The following NREP variants were observed in gnomAD, a reference collection of about 807,000 sequenced individuals.
The protein encoded by NREP is neuronal regeneration-related protein.
NREP carries 5 observed loss-of-function variants against 8.6 expected under a neutral mutation model. That is an observed-to-expected ratio of 0.58 (90% CI 0.30 to 1.22). NREP has a LOEUF of 1.22. NREP is among the 50% of genes most tolerant of loss of function. NREP has a pLI of 0.07. For synonymous variants in NREP, 27 were observed against 28.0 expected (o/e 0.96, Z 0.11); for missense variants, 86 against 82.5 (o/e 1.04, Z -0.17).
intron 3 of NREP, chr5:111,733,999 T>C (rs1371066625): frequency 6.6e-6 from 1 of 152,182 alleles, no homozygotes; most frequent in Non-Finnish European, 1.5e-5. Context: ...TATTCACATA[T>C]TTAGAGAAGA....
chr5:111,871,009 G>C (rs1251515495), intron 2 of NREP, among the ~76,000 whole-genome samples: 1 of 151,400 alleles, frequency 6.6e-6, no homozygotes. Context: ...CTTAGGGCTG[G>C]CATCTGTATT....
At chr5:111,844,150 A>G (rs1323770878) in intron 2 of NREP, among the ~76,000 whole-genome samples, 1 of 152,188 alleles carries the variant, frequency 6.6e-6, no homozygotes, top group Non-Finnish European at 1.5e-5. Context: ...AGATAGAATA[A>G]AAGAGTTATA....
chr5:111,790,937 T>C (rs1751731350), intron 2 of NREP, among the ~76,000 whole-genome samples: 1 of 152,134 alleles, frequency 6.6e-6, no homozygotes, highest in Admixed American at 6.6e-5. Context: ...TTTTCATATA[T>C]GTGGGTTCAG....
chr5:111,971,712 C>G (rs1428528835), intron 2 of NREP, among the ~76,000 whole-genome samples: 2 of 152,072 alleles, frequency 1.3e-5, no homozygotes, highest in East Asian at 3.8e-4. Context: ...ATATCATAGA[C>G]AAAAGTAAAC....
At chr5:111,755,914 G>A in intron 1 of NREP, 84 bp from the exon 2 acceptor site, 2 of 1,564,120 alleles carry the variant, frequency 1.3e-6, no homozygotes, top group Non-Finnish European at 8.7e-7. Flanking sequence ...GGTTACAGAC[G>A]AATAACCATT....
chr5:111,850,350 A>G lies in NREP; in HGVS notation c.136-114843T>C, dbSNP rs550237846. Among the ~76,000 whole-genome samples the G allele has an allele frequency of 3.9e-5, 6 of 152,194 alleles. No homozygotes were observed. In the South Asian group the frequency reaches 8.3e-4, roughly 21 times the overall value. ...CTTTATTCAATACAGCCAGCTTCCA[A>G]TTTTATATTTTAGCCTGATCTTTAT... On this transcript the variant is annotated intron_variant, in intron 2 of 3. Coordinates refer to the NREP transcript ENST00000395634.
intron 2 of NREP, among the ~76,000 whole-genome samples, chr5:111,855,678 G>A (rs1159975152): frequency 1.3e-5 from 2 of 152,110 alleles, no homozygotes; most frequent in African/African-American, 4.8e-5. Flanking sequence ...GGGATTTGAG[G>A]ATGTTCTTGG....
chr5:111,877,218 ATTC>A lies in NREP; in HGVS notation c.135+98053_135+98055del, dbSNP rs1200724967. 2.6e-5 allele frequency among the ~76,000 whole-genome samples: 4 copies of A among 152,036 alleles called. No homozygotes were observed. In the East Asian group the frequency reaches 7.7e-4, roughly 29 times the overall value. ...CCACATATCTCTCAATCTTTCCTTC[ATTC>A]TTGGTTGCTGCTGCTATGGCCCTGT... is the stretch of plus-strand genomic sequence containing the variant. On this transcript the variant is annotated intron_variant, in intron 2 of 3. Transcript: ENST00000395634.
At chr5:111,758,172 G>A (rs1009976793), upstream of NREP, 2 of 985,458 alleles carry the variant, frequency 2.0e-6, no homozygotes, top group Admixed American at 6.1e-5. Flanking sequence ...AGCCCGGGGC[G>A]GGGAGCGCCC....
At chr5:111,829,437 A>G (rs890655857) in intron 2 of NREP, among the ~76,000 whole-genome samples, 2 of 152,200 alleles carry the variant, frequency 1.3e-5, no homozygotes, top group African/African-American at 4.8e-5. Context: ...CTGCAAGATA[A>G]TCTGACACCC....
intron 2 of NREP, among the ~76,000 whole-genome samples, chr5:111,858,099 C>T (rs1439746726): frequency 6.6e-6 from 1 of 152,142 alleles, no homozygotes; most frequent in Non-Finnish European, 1.5e-5. Context: ...CTACAACCAG[C>T]ATCATCAACG....
chr5:111,848,045 G>T (rs1464742329), intron 2 of NREP, among the ~76,000 whole-genome samples: 2 of 152,080 alleles, frequency 1.3e-5, no homozygotes, highest in East Asian at 3.9e-4. Flanking sequence ...TCAACTGGTG[G>T]GTCCTGAAGG....
intron 2 of NREP, among the ~76,000 whole-genome samples, chr5:111,946,943 A>C (rs1756004342): frequency 6.6e-6 from 1 of 152,048 alleles, no homozygotes; most frequent in Non-Finnish European, 1.5e-5. Context: ...TCCTATAAAT[A>C]ATAAAAATAA....
At chr5:111,877,840 T>C (rs1334336207) in intron 2 of NREP, among the ~76,000 whole-genome samples, 1 of 152,036 alleles carries the variant, frequency 6.6e-6, no homozygotes, top group Non-Finnish European at 1.5e-5. Flanking sequence ...CCAAGTTGAG[T>C]TGGGTGTTCC....
rs540189356 is a variant in NREP, at chr5:111,832,052, TA to T, written c.136-96546del. 2.2e-3 allele frequency among the ~76,000 whole-genome samples: 332 copies of T among 152,236 alleles called. 1 individual carries two copies. The highest frequency in any genetic ancestry group is 0.01 in the Middle Eastern group (3 of 294). ...ATTGGAACCTTCTGGACGAAAGGTC[TA>T]AGAGTGAGTAGGAAATGATTTATAA... is the stretch of plus-strand genomic sequence containing the variant. On this transcript the variant is annotated intron_variant, in intron 2 of 3. Transcript: ENST00000395634.
At chr5:111,932,857 C>T (rs774264632) in intron 2 of NREP, among the ~76,000 whole-genome samples, 4 of 151,922 alleles carry the variant, frequency 2.6e-5, no homozygotes, top group Non-Finnish European at 4.4e-5. Flanking sequence ...ATGTTAAGCC[C>T]GAAAGTCAAG....
At chr5:111,883,316 C>A (rs1754139947) in intron 2 of NREP, among the ~76,000 whole-genome samples, 1 of 152,136 alleles carries the variant, frequency 6.6e-6, no homozygotes, top group South Asian at 2.1e-4. Context: ...CACCCAGATT[C>A]ACAAAGCAAG....
intron 2 of NREP, among the ~76,000 whole-genome samples, chr5:111,799,559 T>C (rs767333265): frequency 1.4e-4 from 21 of 152,230 alleles, no homozygotes; most frequent in Non-Finnish European, 2.5e-4. Context: ...TGTATTCTTG[T>C]TTCTACTGCC....
intron 2 of NREP, among the ~76,000 whole-genome samples, chr5:111,766,897 C>T (rs1161172066): frequency 2.6e-5 from 4 of 152,208 alleles, no homozygotes; most frequent in Non-Finnish European, 4.4e-5. Flanking sequence ...AGTGGTAATT[C>T]TTCATTGGTT....
Sources: gnomAD v4.1 joint callset for allele counts (sites outside exome capture counted in the v4.1 genomes callset) on GRCh38, gnomAD v4.1.1 for gene constraint, MANE v1.5 for transcripts, NCBI Gene and HGNC (gene_info 2026-07-23, HGNC 2026-07-21) for gene names.